NBEA: variants seen among roughly 807,000 people sequenced by gnomAD.
NBEA encodes the protein neurobeachin, also known as lysosomal-trafficking regulator 2.
A neutral mutation model predicts 343.4 loss-of-function variants in NBEA; 44 were observed. The observed-to-expected ratio is 0.13, with a 90% CI of 0.10 to 0.16. NBEA has a LOEUF of 0.16. NBEA is among the 10% of genes least tolerant of loss of function. The pLI is 1.00. For missense variants in NBEA, 2,555 were observed against 3,631.3 expected (o/e 0.70, Z 7.62); for synonymous variants, 1,175 against 1,238.7 (o/e 0.95, Z 1.08).
intron 36 of NBEA, among the ~76,000 whole-genome samples, chr13:35,328,774 G>GTTT (rs760322282): frequency 3.5e-5 from 5 of 141,434 alleles, no homozygotes; most frequent in African/African-American, 1.3e-4. Flanking sequence ...TTCCAGCAGG[G>GTTT]TTTTTTTTTT....
chr13:34,999,504 T>A (rs1009131403), intron 1 of NBEA, among the ~76,000 whole-genome samples: 5 of 152,184 alleles, frequency 3.3e-5, no homozygotes, highest in Admixed American at 6.5e-5. Flanking sequence ...ACCACTTTTT[T>A]AAAAATCACC....
At chr13:35,336,971 T>C (rs1461658293) in intron 36 of NBEA, among the ~76,000 whole-genome samples, 1 of 152,034 alleles carries the variant, frequency 6.6e-6, no homozygotes, top group Non-Finnish European at 1.5e-5. Flanking sequence ...CCCTGTGACA[T>C]GCAGTTTGCC....
chr13:35,179,772 T>C, intron 28 of NBEA: 1 of 984,818 alleles, frequency 1.0e-6, no homozygotes. Flanking sequence ...CTGTCACAGC[T>C]TGAGCAATGT....
chr13:35,458,099 A>G (rs2046682400), intron 40 of NBEA, among the ~76,000 whole-genome samples: 1 of 152,208 alleles, frequency 6.6e-6, no homozygotes, highest in African/African-American at 2.4e-5. Flanking sequence ...TAGGAGGGGA[A>G]TTGGTGGGTC....
intron 38 of NBEA, among the ~76,000 whole-genome samples, chr13:35,407,317 A>G (rs1033338542): frequency 5.3e-5 from 8 of 151,872 alleles, no homozygotes; most frequent in African/African-American, 1.9e-4. Context: ...AAAGACTATA[A>G]AACCACTTTA....
At chr13:35,510,426 G>C (rs2077234209) in intron 41 of NBEA, among the ~76,000 whole-genome samples, 1 of 152,090 alleles carries the variant, frequency 6.6e-6, no homozygotes, top group Non-Finnish European at 1.5e-5. Flanking sequence ...TAATTTTTCA[G>C]CTCTGTTGTT....
intron 41 of NBEA, among the ~76,000 whole-genome samples, chr13:35,501,402 T>A (rs1364983392): frequency 6.6e-6 from 1 of 152,172 alleles, no homozygotes; most frequent in Non-Finnish European, 1.5e-5. Context: ...TAAAAAATTA[T>A]TGTCATTGTG....
In NBEA at chr13:35,360,429, T is replaced by C. The variant is rs9600611; in HGVS notation, c.6179+8106T>C. ...TAAAGAGGAAGTTAACATGATCCAGTGTACTACAAGGTAATATTATAAATG... is the reference window on the plus strand; with the variant it reads ...TAAAGAGGAAGTTAACATGATCCAGCGTACTACAAGGTAATATTATAAATG... On this transcript the variant is annotated intron_variant, in intron 38 of 58. Transcript: ENST00000379939. Among the ~76,000 whole-genome samples, 285 of 152,052 alleles carry C rather than the reference T, an allele frequency of 1.9e-3. 1 individual carries two copies. The highest frequency in any genetic ancestry group is 6.7e-3 in the African/African-American group (279 of 41,526).
intron 17 of NBEA, among the ~76,000 whole-genome samples, chr13:35,133,290 A>C (rs2067529214): frequency 6.6e-6 from 1 of 152,162 alleles, no homozygotes; most frequent in Non-Finnish European, 1.5e-5. Context: ...GAAAATGCAA[A>C]TAAAACATGC....
intron 1 of NBEA, among the ~76,000 whole-genome samples, chr13:35,027,920 T>C (rs117008726): frequency 0.046 from 6,930 of 152,002 alleles, 235 homozygotes; most frequent in Non-Finnish European, 0.067. Context: ...TCTGACATTG[T>C]TTGCTAAAAA....
intron 37 of NBEA, among the ~76,000 whole-genome samples, chr13:35,349,451 A>G (rs2040058935): frequency 6.6e-6 from 1 of 152,100 alleles, no homozygotes; most frequent in Non-Finnish European, 1.5e-5. Flanking sequence ...TGGTAGACTG[A>G]AGTTATTCTA....
At chr13:35,071,451 T>A (rs1315394145) in intron 10 of NBEA, among the ~76,000 whole-genome samples, 3 of 151,954 alleles carry the variant, frequency 2.0e-5, no homozygotes, top group Non-Finnish European at 2.9e-5. Context: ...TTTTATAGTT[T>A]CTCTTTTATT....
chr13:34,975,990 C>T (rs1664785522), intron 1 of NBEA, among the ~76,000 whole-genome samples: 1 of 152,180 alleles, frequency 6.6e-6, no homozygotes, highest in South Asian at 2.1e-4. Context: ...TAAACTACTA[C>T]AACCATTGTG....
At chr13:35,429,800 C>CGTGTGTGTGT (rs60362511) in intron 38 of NBEA, among the ~76,000 whole-genome samples, 34,448 of 139,824 alleles carry the variant, frequency 0.25, 4,691 homozygotes, top group Middle Eastern at 0.34. Flanking sequence ...GAGTCCCCAA[C>CGTGTGTGTGT]GTGTGTGTGT....
intron 18 of NBEA, among the ~76,000 whole-genome samples, chr13:35,146,281 GT>G (rs1172031108): frequency 5.3e-5 from 8 of 152,138 alleles, no homozygotes; most frequent in Non-Finnish European, 7.4e-5. Flanking sequence ...AAGGTAAAGC[GT>G]TTTGATTTTG....
chr13:35,487,617 C>G (rs1281905413), intron 41 of NBEA, among the ~76,000 whole-genome samples: 1 of 151,878 alleles, frequency 6.6e-6, no homozygotes, highest in Non-Finnish European at 1.5e-5. Flanking sequence ...AACTTACTAC[C>G]TACTCAGATA....
At chr13:35,107,791 G>A (rs2065989235) in intron 11 of NBEA, among the ~76,000 whole-genome samples, 1 of 151,970 alleles carries the variant, frequency 6.6e-6, no homozygotes, top group Admixed American at 6.6e-5. Flanking sequence ...TAAAGGAAAT[G>A]TATGCAAGGG....
intron 36 of NBEA, among the ~76,000 whole-genome samples, chr13:35,348,736 C>T (rs2040015227): frequency 6.6e-6 from 1 of 151,978 alleles, no homozygotes; most frequent in South Asian, 2.1e-4. Context: ...AGAATCTAGT[C>T]TGTTGATTTC....
chr13:35,539,712 C>G (rs868000857), intron 41 of NBEA, among the ~76,000 whole-genome samples: 23 of 150,834 alleles, frequency 1.5e-4, no homozygotes, highest in Admixed American at 7.3e-4. Flanking sequence ...GTCAGGAGAT[C>G]GAGACCATCC....
Sources: allele counts gnomAD v4.1 joint callset (sites outside exome capture counted in the v4.1 genomes callset), GRCh38; gene constraint gnomAD v4.1.1; transcripts MANE v1.5; gene names NCBI Gene and HGNC (gene_info 2026-07-23, HGNC 2026-07-21).